Variants in PCDHA7 observed in about 807,000 individuals in gnomAD.
The protein encoded by PCDHA7 is protocadherin alpha-7.
In PCDHA7, 37 loss-of-function variants were observed where a neutral mutation model predicts 57.2. The ratio of observed to expected loss-of-function variants is 0.65; its 90% CI spans 0.50 to 0.85. The LOEUF (loss-of-function observed/expected upper bound fraction) is 0.85, where lower values mean the gene tolerates loss of function less well. Ranked by LOEUF, PCDHA7 falls within the 40% of genes least tolerant of loss-of-function variation. PCDHA7 has a pLI of 0.00. For synonymous variants in PCDHA7, 553 were observed against 558.8 expected (o/e 0.99, Z 0.15); for missense variants, 1,188 against 1,241.8 (o/e 0.96, Z 0.65).
intron 3 of PCDHA7, among the ~76,000 whole-genome samples, chr5:140,982,904 T>G (rs1353983952): frequency 1.3e-5 from 2 of 151,900 alleles, no homozygotes; most frequent in African/African-American, 4.8e-5. Context: ...GGTGGCCTTA[T>G]GCACAGAGAT....
chr5:140,986,853 A>G (rs1424493333), intron 3 of PCDHA7, among the ~76,000 whole-genome samples: 3 of 152,206 alleles, frequency 2.0e-5, no homozygotes, highest in Admixed American at 6.5e-5. Flanking sequence ...AGCAACACCA[A>G]CAATACCCGG....
At chr5:140,983,165 T>A (rs947834633) in intron 3 of PCDHA7, among the ~76,000 whole-genome samples, 14 of 152,220 alleles carry the variant, frequency 9.2e-5, no homozygotes, top group Admixed American at 4.6e-4. Context: ...TTGCCAAACA[T>A]GACCGCCTCA....
intron 1 of PCDHA7, among the ~76,000 whole-genome samples, chr5:140,897,824 A>G (rs1234550995): frequency 2.6e-5 from 4 of 152,016 alleles, no homozygotes; most frequent in African/African-American, 9.7e-5. Flanking sequence ...AAGTGTTCCT[A>G]TTTCTCCACA....
In PCDHA7 at chr5:141,006,221, T is replaced by C. The variant is rs559314025; in HGVS notation, c.2504-3406T>C. Among the ~76,000 whole-genome samples, 485 of 152,162 alleles carry C rather than the reference T, an allele frequency of 3.2e-3. 7 individuals carry two copies. The highest frequency in any genetic ancestry group is 0.01 in the Middle Eastern group (3 of 294). On this transcript the variant is annotated intron_variant, in intron 3 of 3. Transcript: ENST00000525929. Reference sequence around the variant, plus strand: ...GTTATGCCTCATTTTTTTTTAAATTTTTTATTTTTAGATGGAGTCTTGCTC... The same window carrying C: ...GTTATGCCTCATTTTTTTTTAAATTCTTTATTTTTAGATGGAGTCTTGCTC...
intron 1 of PCDHA7, among the ~76,000 whole-genome samples, chr5:140,960,928 AAGTTT>A (rs2095579865): frequency 6.6e-6 from 1 of 152,184 alleles, no homozygotes; most frequent in South Asian, 2.1e-4. Context: ...AATTGGTACT[AAGTTT>A]AGTGAATTAG....
intron 1 of PCDHA7, among the ~76,000 whole-genome samples, chr5:140,902,579 A>G (rs2069572489): frequency 6.6e-6 from 1 of 152,078 alleles, no homozygotes. Flanking sequence ...TAAGATTTCA[A>G]TAGTTTTGGG....
chr5:140,985,389 C>T (rs1376347712), intron 3 of PCDHA7, among the ~76,000 whole-genome samples: 1 of 152,266 alleles, frequency 6.6e-6, no homozygotes, highest in African/African-American at 2.4e-5. Context: ...AATCCAGTCA[C>T]CCCAACTGTT....
At position 140,928,212 on chromosome 5, in the gene PCDHA7, C is replaced by G. The variant is rs1388758279; in HGVS notation, c.2356-50737C>G. The G allele has an allele frequency of 2.5e-6, 4 of 1,614,106 alleles. No individual in the cohort carries two copies. The African/African-American group carries it at 5.3e-5, about 22-fold the overall frequency. On this transcript the variant is annotated intron_variant, in intron 1 of 3. Coordinates refer to ENST00000525929, the MANE Select transcript of PCDHA7 (RefSeq NM_018910.3). Reference sequence around the variant, plus strand: ...CTGTGTCAGTTGCTGATGTGAATGACAATACACCAAACTTTCCTCAACCCC... The same window carrying G: ...CTGTGTCAGTTGCTGATGTGAATGAGAATACACCAAACTTTCCTCAACCCC...
At chr5:140,924,227 TA>T (rs2153571643) in intron 1 of PCDHA7, among the ~76,000 whole-genome samples, 1 of 152,354 alleles carries the variant, frequency 6.6e-6, no homozygotes, top group East Asian at 1.9e-4. Flanking sequence ...GTTCAATTTT[TA>T]TGGGCTGTTT....
intron 1 of PCDHA7, chr5:140,927,469 C>T (rs17844359): frequency 6.2e-7 from 1 of 1,614,082 alleles, no homozygotes; most frequent in Non-Finnish European, 8.5e-7. Context: ...AGCACTGGAT[C>T]GCGAACAGCG....
chr5:140,838,077 A>AGTGTGTGT (rs57130401), intron 1 of PCDHA7, among the ~76,000 whole-genome samples: 22 of 80,694 alleles, frequency 2.7e-4, no homozygotes, highest in South Asian at 8.5e-4. Flanking sequence ...ATATATATAT[A>AGTGTGTGT]GTGTGTGTGT....
intron 1 of PCDHA7, among the ~76,000 whole-genome samples, chr5:140,951,512 C>T (rs2094592870): frequency 6.6e-6 from 1 of 152,004 alleles, no homozygotes; most frequent in Non-Finnish European, 1.5e-5. Context: ...GAAAGCGGCT[C>T]ATCTTACATG....
Position 140,836,648 on chromosome 5 carries a change from G to A in PCDHA7, c.2265G>A (p.Arg755=), listed in dbSNP as rs2150266786. 22 of 1,613,364 alleles carry A rather than the reference G, an allele frequency of 1.4e-5. No individual in the cohort carries two copies. The highest frequency in any genetic ancestry group is 1.8e-5 in the Non-Finnish European group (21 of 1,179,654). Residue 755 remains arginine (R), a synonymous_variant, in exon 1 of 4, where the codon CGG becomes CGA. Coordinates refer to ENST00000525929, the MANE Select transcript of PCDHA7 (RefSeq NM_018910.3). ...GCTGGTCATTCTCCCAGCAGAGGCG[G>A]CAGAGGGTGTGCTCTGGGGAGGGCC... The part of the protein sequence containing the change: ...VGSWSFSQQR[R]QRVCSGEGPP...
chr5:140,992,127 T>G (rs1237289084), intron 3 of PCDHA7, among the ~76,000 whole-genome samples: 1 of 151,584 alleles, frequency 6.6e-6, no homozygotes, highest in Non-Finnish European at 1.5e-5. Flanking sequence ...GGAAGAACAG[T>G]GACTGATGAT....
At chr5:140,941,224 T>TTTCTTTC in intron 1 of PCDHA7, among the ~76,000 whole-genome samples, 1 of 137,372 alleles carries the variant, frequency 7.3e-6, no homozygotes, top group Non-Finnish European at 1.6e-5. Flanking sequence ...CCTTTCTTTC[T>TTTCTTTC]TTCTTTCTTT....
intron 3 of PCDHA7, among the ~76,000 whole-genome samples, chr5:141,007,029 T>C (rs2098299696): frequency 6.6e-6 from 1 of 152,154 alleles, no homozygotes; most frequent in Non-Finnish European, 1.5e-5. Context: ...ATATGGTATT[T>C]ATATCTATGG....
At chr5:140,877,334 C>T (rs375199455) in intron 1 of PCDHA7, 1 of 1,614,002 alleles carries the variant, frequency 6.2e-7, no homozygotes, top group Non-Finnish European at 8.5e-7. Flanking sequence ...GCGCACATCC[C>T]GTTCCACGTG....
chr5:140,853,773 G>T lies in PCDHA7; in HGVS notation c.2355+17035G>T, dbSNP rs1314625859. The T allele has an allele frequency of 6.1e-6, 6 of 987,764 alleles. No homozygotes were observed. The African/African-American group carries it at 1.1e-4, about 17-fold the overall frequency. 61.2% of individuals were successfully genotyped at this position (987,764 alleles called of 1,614,324 possible). On this transcript the variant is annotated intron_variant, in intron 1 of 3. Transcript: ENST00000525929. ...GGCTCCACCTCAGAAATTCTGAAAT[G>T]GGTAGTAAGAGCAAATTTTCATTTT...
At chr5:140,965,352 T>C (rs1474672624) in intron 1 of PCDHA7, among the ~76,000 whole-genome samples, 1 of 152,166 alleles carries the variant, frequency 6.6e-6, no homozygotes, top group Admixed American at 6.5e-5. Context: ...GTTGCCTCTA[T>C]AGCAGTACAA....
Sources: gnomAD v4.1 joint callset for allele counts (sites outside exome capture counted in the v4.1 genomes callset) on GRCh38, gnomAD v4.1.1 for gene constraint, MANE v1.5 for transcripts, NCBI Gene and HGNC (gene_info 2026-07-23, HGNC 2026-07-21) for gene names.